The following TP73 variants were observed in gnomAD, a reference collection of about 807,000 sequenced individuals.
The protein encoded by TP73 is p53-like transcription factor.
In TP73, 25 loss-of-function variants were observed where a neutral mutation model predicts 62.5. That is an observed-to-expected ratio of 0.40 (90% CI 0.29 to 0.56). TP73 has a LOEUF of 0.56. TP73 is among the 20% of genes least tolerant of loss of function. TP73 has a pLI of 0.46. For missense variants in TP73, 754 were observed against 913.3 expected (o/e 0.83, Z 2.25); for synonymous variants, 423 against 377.5 (o/e 1.12, Z -1.40).
chr1:3,658,609 C>T (rs1210515123), intron 1 of TP73, among the ~76,000 whole-genome samples: 1 of 152,180 alleles, frequency 6.6e-6, no homozygotes, highest in Non-Finnish European at 1.5e-5. Context: ...GCACACAGAC[C>T]ATTACTAATG....
At chr1:3,692,771 T>C (rs1002835942) in intron 3 of TP73, among the ~76,000 whole-genome samples, 1 of 152,078 alleles carries the variant, frequency 6.6e-6, no homozygotes, top group Non-Finnish European at 1.5e-5. Flanking sequence ...GATGTCACCA[T>C]GTGACTCACC....
At position 3,723,474 on chromosome 1, in the gene TP73, G is replaced by A; in HGVS notation, c.732+5G>A. On this transcript the variant is annotated splice_donor_5th_base_variant and intron_variant, in intron 6 of 13. Coordinates refer to ENST00000378295, the MANE Select transcript of TP73 (RefSeq NM_005427.4). ...GTGCCCTATGAGCCACCACAGGTAG[G>A]CCAGGAGCCAGGCTGTGCCCAGGGC... 6.2e-7 allele frequency: 1 copy of A among 1,606,786 alleles called. No homozygotes were observed. Among genetic ancestry groups the A allele is most frequent in the Middle Eastern group, 1.7e-4 (1 of 6,050 alleles).
At chr1:3,653,333 C>T (rs1049146954) in intron 1 of TP73, among the ~76,000 whole-genome samples, 3 of 152,228 alleles carry the variant, frequency 2.0e-5, no homozygotes, top group Non-Finnish European at 2.9e-5. Flanking sequence ...GGAGACACCT[C>T]ACGCCCCCTT....
At position 3,707,125 on chromosome 1, in the gene TP73, A is replaced by G. The variant is rs114601113; in HGVS notation, c.187-424A>G. Among the ~76,000 whole-genome samples the G allele has an allele frequency of 8.6e-3, 1,306 of 152,166 alleles. 22 individuals are homozygous for G. The highest frequency in any genetic ancestry group is 0.03 in the African/African-American group (1,254 of 41,516). On this transcript the variant is annotated intron_variant, in intron 3 of 13. Coordinates refer to ENST00000378295, the MANE Select transcript of TP73 (RefSeq NM_005427.4). ...CTGCACTCAGGGCCCACTTGTGCCC[A>G]GCCCACCTCCCCCACTGCCTGGCTC... is the stretch of plus-strand genomic sequence containing the variant.
At position 3,733,240 on chromosome 1, in the gene TP73, A is replaced by G; in HGVS notation, c.*161A>G. The G allele has an allele frequency of 1.1e-6, 1 of 888,368 alleles. No individual in the cohort carries two copies. The highest frequency in any genetic ancestry group is 1.7e-6 in the Non-Finnish European group (1 of 600,640). The allele number at this position is 888,368 out of a possible 1,614,324, so 55.0% of individuals were successfully genotyped here. On this transcript the variant is annotated 3_prime_UTR_variant, in exon 14 of 14. Transcript: ENST00000378295. ...CCCCAGGCACCTCACAGGCCCCAGG[A>G]AAGGCCCAGCCACCGAAGCCGCCTG...
At chr1:3,718,134 A>G (rs1258340395) in intron 4 of TP73, among the ~76,000 whole-genome samples, 4 of 151,986 alleles carry the variant, frequency 2.6e-5, no homozygotes, top group Admixed American at 2.0e-4. Flanking sequence ...CCGAGCCCCC[A>G]CTTCCCGGGG....
chr1:3,687,492 C>T (rs1357213497), intron 3 of TP73, among the ~76,000 whole-genome samples: 2 of 152,236 alleles, frequency 1.3e-5, no homozygotes, highest in African/African-American at 4.8e-5. Context: ...GGAGTCTCTG[C>T]AGTGCTGGGC....
rs770623589 is a variant in TP73, at chr1:3,663,491, G to A, written c.-34+10850G>A. Among the ~76,000 whole-genome samples the A allele has an allele frequency of 2.0e-5, 3 of 152,100 alleles. No homozygotes were observed. The highest frequency in any genetic ancestry group is 4.4e-5 in the Non-Finnish European group (3 of 68,006). On this transcript the variant is annotated intron_variant, in intron 1 of 13. Transcript: ENST00000378295. This position sits in a 1 kb window ranked among gnomAD's most constrained non-coding sequence, Gnocchi z 4.7. Reference sequence around the variant, plus strand: ...AGCACTTTGGGAGGCTGAGTCGGGCGGATCACTAGGTCAGGAGATCGAGAC... The same window carrying A: ...AGCACTTTGGGAGGCTGAGTCGGGCAGATCACTAGGTCAGGAGATCGAGAC...
At chr1:3,720,737 C>T (rs911037200) in intron 4 of TP73, among the ~76,000 whole-genome samples, 8 of 152,226 alleles carry the variant, frequency 5.3e-5, no homozygotes, top group Non-Finnish European at 1.2e-4. Context: ...GAGAGCCCCT[C>T]ATGTCCCTTG....
At chr1:3,707,435 G>T in intron 3 of TP73, 114 bp from the exon 4 acceptor site, 1 of 1,418,398 alleles carries the variant, frequency 7.1e-7, no homozygotes. Context: ...GGAAATATTT[G>T]GGATGACTGG....
chr1:3,677,235 G>A (rs1645394140), intron 1 of TP73, among the ~76,000 whole-genome samples: 1 of 152,166 alleles, frequency 6.6e-6, no homozygotes, highest in South Asian at 2.1e-4. Flanking sequence ...TCCCTGTGGT[G>A]CAGCTGGTAC....
chr1:3,715,788 TG>T (rs1640546199), intron 4 of TP73, among the ~76,000 whole-genome samples: 1 of 152,082 alleles, frequency 6.6e-6, no homozygotes, highest in Non-Finnish European at 1.5e-5. Context: ...ACTGGACCCC[TG>T]GGCCTTCACT....
At chr1:3,684,964 G>A (rs1645616975) in intron 3 of TP73, among the ~76,000 whole-genome samples, 1 of 152,134 alleles carries the variant, frequency 6.6e-6, no homozygotes, top group Non-Finnish European at 1.5e-5. Flanking sequence ...CTGGGGACAA[G>A]GGTCCTGACC....
At chr1:3,674,889 G>T (rs552432293) in intron 1 of TP73, among the ~76,000 whole-genome samples, 1 of 152,238 alleles carries the variant, frequency 6.6e-6, no homozygotes. Flanking sequence ...ATTCTGGTGC[G>T]CTGACCGCCC....
rs112629862 is a variant in TP73 at position 3,661,366 on chromosome 1, A to C, written c.-34+8725A>C. ...TACTTAATTCTCATTTAATCAAAGT[A>C]ACAATGAAATATTCAAAGAGAAATG... On this transcript the variant is annotated intron_variant, in intron 1 of 13. Coordinates refer to ENST00000378295, the MANE Select transcript of TP73 (RefSeq NM_005427.4). Among the ~76,000 whole-genome samples, 533 of 152,344 alleles carry C rather than the reference A, an allele frequency of 3.5e-3. 2 individuals carry two copies. The highest frequency in any genetic ancestry group is 0.012 in the African/African-American group (518 of 41,574).
chr1:3,706,570 G>A (rs80335368), intron 3 of TP73, among the ~76,000 whole-genome samples: 3,850 of 151,880 alleles, frequency 0.025, 172 homozygotes, highest in African/African-American at 0.087. Flanking sequence ...GGAAAGCGCT[G>A]TTTATACATG....
At position 3,729,383 on chromosome 1, in the gene TP73, G is replaced by A. The variant is rs748457660; in HGVS notation, c.1131G>A (p.Leu377=). The A allele has an allele frequency of 6.2e-7, 1 of 1,613,220 alleles. No homozygotes were observed. The highest frequency in any genetic ancestry group is 2.2e-5 in the East Asian group (1 of 44,880). ...ILMKLKESLE[L]MELVPQPLVD... is the part of the protein sequence containing the mutation. ...TGAAGCTGAAAGAGAGCCTGGAGCT[G>A]ATGGAGTTGGTGCCGCAGCCACTGG... Residue 377 remains leucine (L), a synonymous_variant, in exon 10 of 14, where the codon CTG becomes CTA. Coordinates refer to ENST00000378295, the MANE Select transcript of TP73 (RefSeq NM_005427.4).
chr1:3,711,596 C>T (rs1640144995), intron 4 of TP73, among the ~76,000 whole-genome samples: 1 of 152,236 alleles, frequency 6.6e-6, no homozygotes, highest in Non-Finnish European at 1.5e-5. Flanking sequence ...GCTCTGAGGT[C>T]AGGCAAGAAG....
chr1:3,728,066 C>T lies in TP73; in HGVS notation c.986-63C>T, dbSNP rs1026403857. The T allele has an allele frequency of 2.1e-5, 31 of 1,494,166 alleles. No homozygotes were observed. The African/African-American group carries it at 2.9e-4, about 14-fold the overall frequency. The allele number at this position is 1,494,166 out of a possible 1,614,324, so 92.6% of individuals were successfully genotyped here. On this transcript the variant is annotated intron_variant, in intron 8 of 13. Transcript: ENST00000378295. ...AGGGTGGGGCAGGTCTCCCTCCTCCCGGAAGGAGGCCTCACCCTCTGGTCC... is the reference window on the plus strand; with the variant it reads ...AGGGTGGGGCAGGTCTCCCTCCTCCTGGAAGGAGGCCTCACCCTCTGGTCC...
Sources: gnomAD v4.1 joint callset for allele counts (sites outside exome capture counted in the v4.1 genomes callset) on GRCh38, gnomAD v4.1.1 for gene constraint, Gnocchi (gnomAD v3.1) non-coding constraint, MANE v1.5 for transcripts, NCBI Gene and HGNC (gene_info 2026-07-23, HGNC 2026-07-21) for gene names.